Variants in HPSE2 observed in about 807,000 individuals in gnomAD.
The protein encoded by HPSE2 is inactive heparanase-2.
HPSE2 carries 38 observed loss-of-function variants against 60.5 expected under a neutral mutation model. The observed-to-expected ratio is 0.63, with a 90% CI of 0.48 to 0.82. HPSE2 has a LOEUF of 0.82. HPSE2 is among the 40% of genes least tolerant of loss of function. HPSE2 has a pLI of 0.00. For synonymous variants in HPSE2, 295 were observed against 293.2 expected (o/e 1.01, Z -0.06); for missense variants, 713 against 740.4 (o/e 0.96, Z 0.43).
At chr10:98,707,846 C>T (rs549898137) in intron 5 of HPSE2, among the ~76,000 whole-genome samples, 2 of 152,116 alleles carry the variant, frequency 1.3e-5, no homozygotes, top group Non-Finnish European at 2.9e-5. Context: ...TTCTAACATT[C>T]ATCTGGAAGA....
At chr10:99,274,628 C>T in the HPSE2 span, among the ~76,000 whole-genome samples, 3 of 151,806 alleles carry the variant, frequency 2.0e-5, no homozygotes, top group Admixed American at 6.6e-5. Context: ...CTGTCATATA[C>T]GTTAAAAAAA....
rs192624417 is a variant in HPSE2, at chr10:98,688,936, T to A, written c.1004+4964A>T. Among the ~76,000 whole-genome samples the A allele has an allele frequency of 1.1e-4, 16 of 152,310 alleles. No homozygotes were observed. In the East Asian group the frequency reaches 2.7e-3, roughly 26 times the overall value. ...TTAAGAATATTGTTCTGTTGTATTC[T>A]GTCCTCCATTGTTTCTGATGTCAAA... On this transcript the variant is annotated intron_variant, in intron 6 of 11. Coordinates refer to ENST00000370552, the MANE Select transcript of HPSE2 (RefSeq NM_021828.5).
At chr10:99,136,141 G>A (rs527344248) in intron 3 of HPSE2, among the ~76,000 whole-genome samples, 1 of 152,266 alleles carries the variant, frequency 6.6e-6, no homozygotes, top group African/African-American at 2.4e-5. Flanking sequence ...AAATCTAGAA[G>A]AAATGGATAA....
intron 9 of HPSE2, among the ~76,000 whole-genome samples, chr10:98,555,441 C>G (rs536534411): frequency 6.6e-6 from 1 of 152,158 alleles, no homozygotes; most frequent in African/African-American, 2.4e-5. Flanking sequence ...TTTGCACACT[C>G]GGCTTGTCCT....
intron 6 of HPSE2, among the ~76,000 whole-genome samples, chr10:98,687,103 G>A (rs1217814450): frequency 1.3e-5 from 2 of 151,606 alleles, no homozygotes; most frequent in East Asian, 3.9e-4. Flanking sequence ...CTGTTCTTCA[G>A]TACTGTATTT....
chr10:98,938,868 C>CAGACTA (rs1375406680), intron 3 of HPSE2, among the ~76,000 whole-genome samples: 2 of 144,220 alleles, frequency 1.4e-5, no homozygotes, highest in African/African-American at 5.6e-5. Context: ...GGAAGTCCAT[C>CAGACTA]AGACTAACAG....
intron 2 of HPSE2, among the ~76,000 whole-genome samples, chr10:99,186,133 C>CAT (rs1016919973): frequency 2.0e-5 from 3 of 150,740 alleles, no homozygotes; most frequent in South Asian, 2.1e-4. Context: ...CACACACACA[C>CAT]ACACACACAC....
intron 9 of HPSE2, among the ~76,000 whole-genome samples, chr10:98,523,946 C>T (rs1373896233): frequency 6.6e-6 from 1 of 152,152 alleles, no homozygotes; most frequent in Non-Finnish European, 1.5e-5. Context: ...CCAGAAAGTA[C>T]AATAGCTTAG....
chr10:98,743,825 G>T, intron 4 of HPSE2, 58 bp downstream of exon 4: 1 of 1,497,860 alleles, frequency 6.7e-7, no homozygotes, highest in Non-Finnish European at 9.3e-7. Context: ...TGTATCACAA[G>T]CCAACTTATT....
At chr10:99,021,836 AAC>A (rs1491135109) in intron 3 of HPSE2, among the ~76,000 whole-genome samples, 7 of 142,198 alleles carry the variant, frequency 4.9e-5, no homozygotes, top group South Asian at 4.6e-4. Context: ...AAAAAAAAAA[AAC>A]CCCAACACCT....
chr10:98,953,205 A>T (rs1589420460), intron 3 of HPSE2, among the ~76,000 whole-genome samples: 1 of 152,200 alleles, frequency 6.6e-6, no homozygotes, highest in African/African-American at 2.4e-5. Context: ...AAGATGTTCC[A>T]TAAAAGGCTC....
At chr10:99,066,646 G>T (rs1842627702) in intron 3 of HPSE2, among the ~76,000 whole-genome samples, 1 of 152,154 alleles carries the variant, frequency 6.6e-6, no homozygotes, top group African/African-American at 2.4e-5. Context: ...CATGAGAACA[G>T]TATGGGGGAA....
intron 11 of HPSE2, among the ~76,000 whole-genome samples, chr10:98,463,007 A>G (rs1591209179): frequency 6.6e-6 from 1 of 150,386 alleles, no homozygotes; most frequent in East Asian, 1.9e-4. Context: ...TTATCCAATT[A>G]CTGTACCCAG....
At chr10:98,473,359 C>T (rs1940858613) in intron 11 of HPSE2, among the ~76,000 whole-genome samples, 1 of 151,856 alleles carries the variant, frequency 6.6e-6, no homozygotes. Context: ...GTGACACGCA[C>T]CTGTAGTCCC....
At chr10:99,220,502 T>C (rs930658551) in intron 2 of HPSE2, among the ~76,000 whole-genome samples, 2 of 152,134 alleles carry the variant, frequency 1.3e-5, no homozygotes, top group African/African-American at 4.8e-5. Flanking sequence ...GTTATACCTA[T>C]GGAGTAGAAC....
intron 3 of HPSE2, among the ~76,000 whole-genome samples, chr10:99,016,791 G>T (rs972475882): frequency 1.1e-4 from 16 of 151,878 alleles, no homozygotes; most frequent in Admixed American, 1.3e-4. Context: ...TGTGTGTGTG[G>T]CAATTGCGAA....
intron 3 of HPSE2, among the ~76,000 whole-genome samples, chr10:98,762,966 G>A (rs950255668): frequency 6.6e-6 from 1 of 152,078 alleles, no homozygotes; most frequent in Non-Finnish European, 1.5e-5. Flanking sequence ...TGATGAACAT[G>A]TTTTAAATGA....
chr10:99,031,477 A>G (rs1476911228), intron 3 of HPSE2, among the ~76,000 whole-genome samples: 6 of 152,214 alleles, frequency 3.9e-5, no homozygotes, highest in Admixed American at 1.3e-4. Flanking sequence ...TGAATACTCA[A>G]ATTTCCATAA....
intron 3 of HPSE2, among the ~76,000 whole-genome samples, chr10:99,020,771 A>G (rs1258758025): frequency 2.6e-5 from 4 of 152,192 alleles, no homozygotes; most frequent in Admixed American, 2.0e-4. Context: ...CCCTACCCAC[A>G]GTGAAAAAGA....
Sources: gnomAD v4.1 joint callset for allele counts (sites outside exome capture counted in the v4.1 genomes callset) on GRCh38, gnomAD v4.1.1 for gene constraint, MANE v1.5 for transcripts, NCBI Gene and HGNC (gene_info 2026-07-23, HGNC 2026-07-21) for gene names.